The following COL4A5 variants were observed in gnomAD, a reference collection of about 807,000 sequenced individuals.
COL4A5 encodes collagen alpha-5(IV) chain.
A neutral mutation model predicts 130.2 loss-of-function variants in COL4A5; 26 were observed. The observed-to-expected ratio is 0.20, with a 90% CI of 0.15 to 0.28. The LOEUF (loss-of-function observed/expected upper bound fraction) is 0.28. COL4A5 is among the 10% of genes least tolerant of loss of function. The probability of loss-of-function intolerance (pLI) is 1.00; values close to 1 mark genes in which losing one functional copy is unlikely to be tolerated. For missense variants in COL4A5, 1,131 were observed against 1,344.3 expected (o/e 0.84, Z 2.48); for synonymous variants, 496 against 439.6 (o/e 1.13, Z -1.60).
At chrX:108,463,400 C>T (rs1041398268) in intron 1 of COL4A5, among the ~76,000 whole-genome samples, 1 of 111,668 alleles carries the variant, frequency 9.0e-6, no homozygotes, top group East Asian at 2.8e-4. Flanking sequence ...GCCCCAATCC[C>T]CAGCCCAGCT....
At chrX:108,638,402 A>G (rs1346676443) in intron 36 of COL4A5, among the ~76,000 whole-genome samples, 1 of 111,311 alleles carries the variant, frequency 9.0e-6, no homozygotes, top group Non-Finnish European at 1.9e-5. Flanking sequence ...ACACACCACA[A>G]GCTAGGAATA....
intron 1 of COL4A5, among the ~76,000 whole-genome samples, chrX:108,483,565 C>T (rs969749595): frequency 2.7e-5 from 3 of 111,872 alleles, no homozygotes; most frequent in Non-Finnish European, 5.6e-5. Context: ...CAGACACACC[C>T]AGGATCAATG....
At chrX:108,645,489 G>A (rs145029636) in intron 36 of COL4A5, among the ~76,000 whole-genome samples, 171 of 106,669 alleles carry the variant, frequency 1.6e-3, no homozygotes, top group Non-Finnish European at 3.0e-3. Flanking sequence ...TAAATTCCTG[G>A]AAAAATAAAA....
At chrX:108,502,876 C>T (rs760079287) in intron 1 of COL4A5, among the ~76,000 whole-genome samples, 5 of 111,604 alleles carry the variant, frequency 4.5e-5, no homozygotes, top group South Asian at 3.8e-4. Context: ...CCCAAATTCG[C>T]GTTCCTAGGT....
At chrX:108,468,501 GT>G (rs58196181) in intron 1 of COL4A5, among the ~76,000 whole-genome samples, 10,416 of 91,388 alleles carry the variant, frequency 0.11, 1,120 homozygotes, top group African/African-American at 0.34. Flanking sequence ...TTTCGTAAGT[GT>G]TTTTTTTTTT....
intron 48 of COL4A5, among the ~76,000 whole-genome samples, chrX:108,687,186 C>G (rs1442276441): frequency 3.6e-5 from 4 of 112,274 alleles, no homozygotes; most frequent in African/African-American, 1.3e-4. Context: ...ATGAAGCTGG[C>G]AGATTGATGG....
intron 2 of COL4A5, among the ~76,000 whole-genome samples, chrX:108,546,878 C>G (rs968989554): frequency 8.9e-6 from 1 of 111,833 alleles, no homozygotes; most frequent in Non-Finnish European, 1.9e-5. Flanking sequence ...ATCACTGATA[C>G]CCTTTCTTCC....
intron 10 of COL4A5, among the ~76,000 whole-genome samples, chrX:108,577,372 CAAAAAAA>C (rs746311921): frequency 3.3e-5 from 1 of 29,915 alleles, no homozygotes; most frequent in Non-Finnish European, 7.5e-5. Context: ...AACTCCTTCT[CAAAAAAA>C]AAAAAAAAAA....
At chrX:108,597,658 G>A in intron 24 of COL4A5, 90 bp downstream of exon 24, 6 of 807,398 alleles carry the variant, frequency 7.4e-6, no homozygotes, top group Non-Finnish European at 1.1e-5. Context: ...GACTGATGCT[G>A]AGATAAACAC....
At chrX:108,534,505 T>C (rs2065429955) in intron 1 of COL4A5, among the ~76,000 whole-genome samples, 1 of 111,361 alleles carries the variant, frequency 9.0e-6, no homozygotes, top group African/African-American at 3.3e-5. Context: ...AAATATTGCA[T>C]GTTCTCACTT....
At chrX:108,667,073 T>C (rs2068096443) in intron 39 of COL4A5, 60 bp from the exon 40 acceptor site, 3 of 1,089,433 alleles carry the variant, frequency 2.8e-6, no homozygotes, top group Non-Finnish European at 3.8e-6. Context: ...TAATTTGGCC[T>C]TGTTTCAGTT....
rs1193739294 is a variant in COL4A5, at chrX:108,696,508, T to A, written c.*130T>A. The A allele has an allele frequency of 6.3e-6, 3 of 477,016 alleles. No individual in the cohort carries two copies. Among genetic ancestry groups the A allele is most frequent in the East Asian group, 7.7e-5 (2 of 26,065 alleles). The allele number at this position is 477,016 out of a possible 1,213,427, so 39.3% of individuals were successfully genotyped here. ...ATGGTGCTACTATATATGATCAAGA[T>A]AACATGCTGACTAGTAACCATGAAG... On this transcript the variant is annotated 3_prime_UTR_variant, in exon 53 of 53. Coordinates refer to ENST00000328300, the MANE Select transcript of COL4A5 (RefSeq NM_033380.3).
intron 2 of COL4A5, among the ~76,000 whole-genome samples, chrX:108,547,613 A>G (rs993822698): frequency 2.7e-5 from 3 of 111,909 alleles, no homozygotes; most frequent in Admixed American, 1.9e-4. Flanking sequence ...CCATGCTGGG[A>G]GAACCGCTAA....
At chrX:108,555,990 G>C (rs964505099) in intron 2 of COL4A5, among the ~76,000 whole-genome samples, 3 of 111,860 alleles carry the variant, frequency 2.7e-5, no homozygotes, top group Non-Finnish European at 5.6e-5. Flanking sequence ...GTTCTGTTGG[G>C]CACTAAGAAT....
Position 108,440,452 on chromosome X carries a change from G to A in COL4A5, c.81+246G>A, listed in dbSNP as rs370642997. On this transcript the variant is annotated intron_variant, in intron 1 of 52. Coordinates refer to ENST00000328300, the MANE Select transcript of COL4A5 (RefSeq NM_033380.3). ...TTCCCTGCAGCTAGCTCCTCCGGGG[G>A]CAAGAGCAAAGTCAGAAGTGGGGGA... 12 of 390,063 alleles carry A rather than the reference G, an allele frequency of 3.1e-5. No homozygotes were observed. The East Asian group carries it at 3.1e-4, about 10-fold the overall frequency. 32.1% of individuals were successfully genotyped at this position (390,063 alleles called of 1,213,427 possible). A position where few individuals can be genotyped will look rare whatever the true frequency, so the allele number is the denominator to read the frequency against.
chrX:108,692,047 CT>C (rs1408036662), intron 49 of COL4A5, among the ~76,000 whole-genome samples: 1 of 111,484 alleles, frequency 9.0e-6, no homozygotes, highest in Non-Finnish European at 1.9e-5. Flanking sequence ...GATATCAAAA[CT>C]TTAGATATGT....
Position 108,591,071 on chromosome X carries a change from G to T in COL4A5, c.1179G>T (p.Met393Ile). 1 of 1,209,175 alleles carries T rather than the reference G, an allele frequency of 8.3e-7. No individual in the cohort carries two copies. Among genetic ancestry groups the T allele is most frequent in the Non-Finnish European group, 1.1e-6 (1 of 894,653 alleles). The change falls in exon 20 of 53, where the codon ATG becomes ATT. Residue 393 changes from methionine (M) to isoleucine (I), a missense_variant. By Grantham distance (10) the Met-to-Ile change is conservative (BLOSUM62 1). Coordinates refer to ENST00000328300, the MANE Select transcript of COL4A5 (RefSeq NM_033380.3). Reference protein sequence around the residue: ...GLPGPPGAAVMGPPGPPGFPG... With the variant: ...GLPGPPGAAVIGPPGPPGFPG... ...TTTGAATCTTAGGGGCTGCAGTTATGGGTCCTCCTGGCCCTCCTGGATTTC... is the reference window on the plus strand; with the variant it reads ...TTTGAATCTTAGGGGCTGCAGTTATTGGTCCTCCTGGCCCTCCTGGATTTC...
chrX:108,604,324 G>C (rs147780504), intron 28 of COL4A5, among the ~76,000 whole-genome samples: 121 of 112,288 alleles, frequency 1.1e-3, no homozygotes, highest in African/African-American at 3.4e-3. Flanking sequence ...CTGCAGAATG[G>C]GTATTGTGTT....
chrX:108,464,299 G>A (rs770560570), intron 1 of COL4A5, among the ~76,000 whole-genome samples: 1 of 111,541 alleles, frequency 9.0e-6, no homozygotes, highest in East Asian at 2.8e-4. Flanking sequence ...TCAGTTATAT[G>A]CATATACCAA....
Sources: gnomAD v4.1 joint callset for allele counts (sites outside exome capture counted in the v4.1 genomes callset) on GRCh38, gnomAD v4.1.1 for gene constraint, MANE v1.5 for transcripts, NCBI Gene and HGNC (gene_info 2026-07-23, HGNC 2026-07-21) for gene names.